OR6N1: variants seen among roughly 807,000 people sequenced by gnomAD.
The protein encoded by OR6N1 is olfactory receptor 6N1.
For missense variants in OR6N1, 394 were observed against 371.7 expected, an observed-to-expected ratio of 1.06 and a Z score of -0.49; for synonymous variants, 170 against 150.7, an observed-to-expected ratio of 1.13 and a Z score of -0.94.
chr1:158,786,994 T>G, the OR6N1 span, among the ~76,000 whole-genome samples: 1 of 152,196 alleles, frequency 6.6e-6, no homozygotes, highest in Admixed American at 6.5e-5. Flanking sequence ...CTATTGATTT[T>G]TTTTTATCTC....
the OR6N1 span, among the ~76,000 whole-genome samples, chr1:158,803,247 T>A: frequency 6.6e-6 from 1 of 152,174 alleles, no homozygotes; most frequent in East Asian, 1.9e-4. Flanking sequence ...TTTCTGAGAG[T>A]ACTAATGTGA....
At chr1:158,826,502 TTGA>T in the OR6N1 span, among the ~76,000 whole-genome samples, 1 of 152,134 alleles carries the variant, frequency 6.6e-6, no homozygotes, top group Non-Finnish European at 1.5e-5. Context: ...TGTCAGGAAA[TTGA>T]TGACACAAAG....
the OR6N1 span, among the ~76,000 whole-genome samples, chr1:158,839,671 C>T: frequency 2.6e-5 from 4 of 152,192 alleles, no homozygotes; most frequent in East Asian, 7.7e-4. Context: ...GAAGTTTCCT[C>T]CTGATCACGT....
chr1:158,835,126 C>A, the OR6N1 span, among the ~76,000 whole-genome samples: 2 of 152,116 alleles, frequency 1.3e-5, no homozygotes, highest in African/African-American at 4.8e-5. Context: ...AATTTTAAGA[C>A]AAATTTTTGT....
At chr1:158,786,956 T>A in the OR6N1 span, among the ~76,000 whole-genome samples, 1 of 152,164 alleles carries the variant, frequency 6.6e-6, no homozygotes, top group African/African-American at 2.4e-5. Flanking sequence ...ATTATCAATG[T>A]AACAGAAAAC....
the OR6N1 span, among the ~76,000 whole-genome samples, chr1:158,787,664 CACACACAT>C: frequency 1.3e-5 from 2 of 151,582 alleles, no homozygotes; most frequent in African/African-American, 4.9e-5. Context: ...CACACACACA[CACACACAT>C]ACACAAATAC....
At chr1:158,805,738 A>C in the OR6N1 span, among the ~76,000 whole-genome samples, 1 of 152,240 alleles carries the variant, frequency 6.6e-6, no homozygotes, top group Admixed American at 6.5e-5. Context: ...TCTTAAAAAA[A>C]TACCTTCTGG....
At chr1:158,772,543 G>T (rs1657448531), upstream of OR6N1, among the ~76,000 whole-genome samples, 1 of 152,172 alleles carries the variant, frequency 6.6e-6, no homozygotes, top group Non-Finnish European at 1.5e-5. Flanking sequence ...ATTATGATAG[G>T]ATCTTTATAA....
the OR6N1 span, among the ~76,000 whole-genome samples, chr1:158,779,607 T>A: frequency 6.6e-6 from 1 of 152,198 alleles, no homozygotes; most frequent in Non-Finnish European, 1.5e-5. Flanking sequence ...CTTAAAAGAC[T>A]CTTCTTGATT....
At chr1:158,767,478 A>G (rs769648193) in intron 1 of OR6N1, among the ~76,000 whole-genome samples, 1 of 152,226 alleles carries the variant, frequency 6.6e-6, no homozygotes, top group Non-Finnish European at 1.5e-5. Context: ...TAGATATTAA[A>G]TATACATGCT....
chr1:158,793,541 CTA>C, the OR6N1 span, among the ~76,000 whole-genome samples: 1 of 152,042 alleles, frequency 6.6e-6, no homozygotes, highest in South Asian at 2.1e-4. Flanking sequence ...GGCAAAGACT[CTA>C]TGAATTTCTT....
the OR6N1 span, among the ~76,000 whole-genome samples, chr1:158,800,630 G>A: frequency 1.3e-5 from 2 of 152,036 alleles, no homozygotes; most frequent in Admixed American, 1.3e-4. Context: ...TAATGCTGCT[G>A]TATGCTACTC....
chr1:158,808,226 C>T, the OR6N1 span, among the ~76,000 whole-genome samples: 1 of 149,248 alleles, frequency 6.7e-6, no homozygotes, highest in African/African-American at 2.5e-5. Flanking sequence ...CAAGCTCCGC[C>T]TCCCGGGTTC....
At chr1:158,831,270 T>G in the OR6N1 span, 1 of 152,202 alleles carries the variant, frequency 6.6e-6, no homozygotes, top group Non-Finnish European at 1.5e-5. Context: ...ACATCTGAAA[T>G]AGAAAGCTAC....
chr1:158,820,714 A>G, the OR6N1 span, among the ~76,000 whole-genome samples: 1 of 152,322 alleles, frequency 6.6e-6, no homozygotes, highest in South Asian at 2.1e-4. Flanking sequence ...TCCTGCAATT[A>G]CTTATAGACC....
At chr1:158,836,199 A>G in the OR6N1 span, among the ~76,000 whole-genome samples, 1 of 151,986 alleles carries the variant, frequency 6.6e-6, no homozygotes, top group Non-Finnish European at 1.5e-5. Context: ...TTATTTTTCT[A>G]GTGCCTCTGT....
the OR6N1 span, among the ~76,000 whole-genome samples, chr1:158,783,398 T>C: frequency 1.3e-5 from 2 of 152,232 alleles, no homozygotes; most frequent in Non-Finnish European, 2.9e-5. Context: ...ATATTTCATA[T>C]GAAAATAGAA....
At chr1:158,800,767 C>T in the OR6N1 span, among the ~76,000 whole-genome samples, 11 of 152,184 alleles carry the variant, frequency 7.2e-5, no homozygotes, top group Non-Finnish European at 1.0e-4. Flanking sequence ...CCAAAACTTA[C>T]GCTATCACTA....
rs535490447 is a variant in OR6N1 at position 158,765,378 on chromosome 1, G to A, written c.*366C>T. On this transcript the variant is annotated 3_prime_UTR_variant, in exon 2 of 2. Transcript: ENST00000641846. ...ACATCATGAATCACATTTTGTTTAG[G>A]ACATGCCTGACTATATTTATATTAA... 39 of 170,958 alleles carry A rather than the reference G, an allele frequency of 2.3e-4. No individual in the cohort carries two copies. Among genetic ancestry groups the A allele is most frequent in the African/African-American group, 9.3e-4 (39 of 42,096 alleles). 10.6% of individuals were successfully genotyped at this position (170,958 alleles called of 1,614,324 possible).
Sources: allele counts gnomAD v4.1 joint callset (sites outside exome capture counted in the v4.1 genomes callset), GRCh38; gene constraint gnomAD v4.1.1; transcripts MANE v1.5; gene names NCBI Gene and HGNC (gene_info 2026-07-23, HGNC 2026-07-21).